CAMTA2: variants seen among roughly 807,000 people sequenced by gnomAD.
The protein encoded by CAMTA2 is calmodulin binding transcription activator 2, also known as calmodulin-binding transcription activator 2.
In CAMTA2, 56 loss-of-function variants were observed where a neutral mutation model predicts 135.7. The observed-to-expected ratio is 0.41, with a 90% CI of 0.33 to 0.52. CAMTA2 has a LOEUF of 0.52. Ranked by LOEUF, CAMTA2 falls within the 20% of genes least tolerant of loss-of-function variation. The pLI is 0.16. For missense variants in CAMTA2, 1,358 were observed against 1,553.4 expected, an observed-to-expected ratio of 0.87 and a Z score of 2.11; for synonymous variants, 591 against 604.6, an observed-to-expected ratio of 0.98 and a Z score of 0.33.
intron 1 of CAMTA2, chr17:4,987,341 GC>G: frequency 7.4e-7 from 1 of 1,345,148 alleles, no homozygotes; most frequent in Non-Finnish European, 9.5e-7. Flanking sequence ...CCGCGGGCAC[GC>G]GGTGGGCGAG....
In CAMTA2 at chr17:4,980,074, A is replaced by G; in HGVS notation, c.1248T>C (p.Ala416=). Reference sequence around the variant, plus strand: ...CAGCTGCCTGGGGCTCCAGGGCAGCAGCAGGCTCTAGGGCAGAACAGGGGG... The same window carrying G: ...CAGCTGCCTGGGGCTCCAGGGCAGCGGCAGGCTCTAGGGCAGAACAGGGGG... ...AHTPCSALEP[A]AALEPQAAAR... Residue 416 remains alanine, a synonymous_variant, in exon 9 of 23, where the codon GCT becomes GCC. Transcript: ENST00000348066. The surrounding 1 kb of genome is among the most constrained non-coding windows in gnomAD (Gnocchi z 5.3). 1 of 1,613,786 alleles carries G rather than the reference A, an allele frequency of 6.2e-7. No individual in the cohort carries two copies. The highest frequency in any genetic ancestry group is 1.3e-5 in the African/African-American group (1 of 75,064).
In CAMTA2 at chr17:4,974,372, C is replaced by G. The variant is rs1298931162; in HGVS notation, c.2016+13G>C. 1 of 1,566,960 alleles carries G rather than the reference C, an allele frequency of 6.4e-7. No homozygotes were observed. The highest frequency in any genetic ancestry group is 8.8e-7 in the Non-Finnish European group (1 of 1,137,362). Reference sequence around the variant, plus strand: ...CTCCCCACCGTAGACCACCTCCCTCCTCACAGAAGTACCTGAACTGGAGGA... The same window carrying G: ...CTCCCCACCGTAGACCACCTCCCTCGTCACAGAAGTACCTGAACTGGAGGA... On this transcript the variant is annotated intron_variant, in intron 12 of 22. Coordinates refer to ENST00000348066, the MANE Select transcript of CAMTA2 (RefSeq NM_015099.4).
chr17:4,973,088 C>T, intron 14 of CAMTA2, 87 bp downstream of exon 14: 3 of 1,511,794 alleles, frequency 2.0e-6, no homozygotes, highest in Non-Finnish European at 1.8e-6. Context: ...GCCCACCCCA[C>T]TCCCTGCATT....
intron 11 of CAMTA2, 107 bp from the exon 12 acceptor site, chr17:4,974,607 T>C (rs1432744982): frequency 1.0e-5 from 7 of 693,952 alleles, no homozygotes; most frequent in Non-Finnish European, 1.8e-5. Context: ...AGAACCATAT[T>C]CTTTTATCTT....
chr17:4,983,584 C>CT (rs949843068), intron 3 of CAMTA2: 139 of 144,798 alleles, frequency 9.6e-4, no homozygotes, highest in South Asian at 2.2e-3. Flanking sequence ...CGTGCCCAGA[C>CT]TTTTTTTTTT....
At chr17:4,973,461 C>T (rs1972428652) in intron 13 of CAMTA2, 124 bp downstream of exon 13, 2 of 1,038,232 alleles carry the variant, frequency 1.9e-6, no homozygotes, top group East Asian at 2.6e-5. Context: ...CTCCCAACCC[C>T]CTCCCTTCCC....
chr17:4,977,316 C>A, intron 10 of CAMTA2, 124 bp from the exon 11 acceptor site: 1 of 1,261,212 alleles, frequency 7.9e-7, no homozygotes, highest in Non-Finnish European at 1.1e-6. Context: ...GGCCAAGAGG[C>A]CCCTGGCTTC....
At chr17:4,982,182 T>A in intron 5 of CAMTA2, 22 bp from the exon 6 acceptor site, 4 of 534,632 alleles carry the variant, frequency 7.5e-6, no homozygotes, top group South Asian at 1.5e-5. Context: ...CAGGCTGGGG[T>A]GGGGGGAGGG....
chr17:4,985,767 T>C, intron 3 of CAMTA2, 113 bp downstream of exon 3: 5 of 728,288 alleles, frequency 6.9e-6, no homozygotes, highest in Middle Eastern at 3.9e-4. Context: ...CCAAAGAGCT[T>C]AGAATGGTGC....
At chr17:4,973,496 TA>T (rs1972430681) in intron 13 of CAMTA2, 88 bp downstream of exon 13, 2 of 1,355,628 alleles carry the variant, frequency 1.5e-6, no homozygotes, top group Admixed American at 4.2e-5. Flanking sequence ...TCCCTCTTGG[TA>T]GGGCCCCAGG....
Position 4,977,148 on chromosome 17 carries a change from C to T in CAMTA2, c.1810G>A (p.Gly604Arg). The T allele has an allele frequency of 1.2e-6, 2 of 1,614,040 alleles. No individual in the cohort carries two copies. Among genetic ancestry groups the T allele is most frequent in the Non-Finnish European group, 8.5e-7 (1 of 1,179,970 alleles). Reference protein sequence around the residue: ...LVSLQVAGREGPLSASVLFEY... With the variant: ...LVSLQVAGRERPLSASVLFEY... ...AAGAGCACAGAAGCAGAAAGGGGCC[C>T]CTCCCGCCCTGCCACCTGCAAAGAC... The change falls in exon 11 of 23, where the codon GGG (glycine) becomes AGG (arginine). Residue 604 changes from glycine (G) to arginine (R), a missense_variant. Physicochemically the swap from Gly to Arg is moderately radical, Grantham distance 125. Transcript: ENST00000348066.
rs943141023 is a variant in CAMTA2 at position 4,980,740 on chromosome 17, G to C, written c.701-119C>G. On this transcript the variant is annotated intron_variant, in intron 8 of 22. Coordinates refer to ENST00000348066, the MANE Select transcript of CAMTA2 (RefSeq NM_015099.4). The surrounding 1 kb of genome is among the most constrained non-coding windows in gnomAD (Gnocchi z 5.3). Reference sequence around the variant, plus strand: ...CCCTATAAACCAGAGGTGTAATACTGATTGTAGCCACTGGGAGGCATCAGA... The same window carrying C: ...CCCTATAAACCAGAGGTGTAATACTCATTGTAGCCACTGGGAGGCATCAGA... 2 of 747,570 alleles carry C rather than the reference G, an allele frequency of 2.7e-6. No individual in the cohort carries two copies. Among genetic ancestry groups the C allele is most frequent in the East Asian group, 5.0e-5 (2 of 40,090 alleles). 46.3% of individuals were successfully genotyped at this position (747,570 alleles called of 1,614,324 possible).
At chr17:4,973,880 A>T in intron 12 of CAMTA2, 111 bp from the exon 13 acceptor site, 1 of 835,914 alleles carries the variant, frequency 1.2e-6, no homozygotes, top group East Asian at 2.7e-5. Flanking sequence ...CCCCCTCCCC[A>T]CATGTCCCAC....
chr17:4,984,189 A>T (rs1009131640), intron 3 of CAMTA2, among the ~76,000 whole-genome samples: 5 of 151,970 alleles, frequency 3.3e-5, no homozygotes, highest in Non-Finnish European at 5.9e-5. Flanking sequence ...CGACCTCGTG[A>T]TCCACCCGCC....
intron 3 of CAMTA2, among the ~76,000 whole-genome samples, chr17:4,984,528 C>T (rs971335637): frequency 6.6e-6 from 1 of 152,248 alleles, no homozygotes; most frequent in African/African-American, 2.4e-5. Flanking sequence ...ACTGGACCTT[C>T]CTAAACGCTC....
Position 4,968,036 on chromosome 17 carries a change from C to G in CAMTA2, c.*720G>C. ...TTAATGGCAATTCGTATAAACCAAG[C>G]CCATGCACAAGTAGAAAGTGCCCGT... On this transcript the variant is annotated 3_prime_UTR_variant, in exon 23 of 23. Coordinates refer to ENST00000348066, the MANE Select transcript of CAMTA2 (RefSeq NM_015099.4). 1.8e-6 allele frequency: 1 copy of G among 559,000 alleles called. No individual in the cohort carries two copies. The highest frequency in any genetic ancestry group is 3.2e-6 in the Non-Finnish European group (1 of 312,816). The allele number at this position is 559,000 out of a possible 1,614,324, so 34.6% of individuals were successfully genotyped here. A position where few individuals can be genotyped will look rare whatever the true frequency, so the allele number is the denominator to read the frequency against.
Position 4,969,105 on chromosome 17 carries a change from C to T in CAMTA2, c.3470+45G>A. Reference sequence around the variant, plus strand: ...CAAGAGGATGAGTAAGGGGGAATGGCGTGGATGCAGTGGGTGGGCACAGAG... The same window carrying T: ...CAAGAGGATGAGTAAGGGGGAATGGTGTGGATGCAGTGGGTGGGCACAGAG... On this transcript the variant is annotated intron_variant, in intron 21 of 22. Transcript: ENST00000348066. The surrounding 1 kb of genome is among the most constrained non-coding windows in gnomAD (Gnocchi z 5.6). 6.3e-7 allele frequency: 1 copy of T among 1,583,510 alleles called. No homozygotes were observed. The highest frequency in any genetic ancestry group is 1.1e-5 in the South Asian group (1 of 89,016).
At position 4,982,101 on chromosome 17, in the gene CAMTA2, G is replaced by A; in HGVS notation, c.399C>T (p.Tyr133=). The part of the protein sequence containing the change: ...SIVPTFHRRC[Y]WLLQNPDIVL... ...CTTCCGTCCTTACCTGGAGCAGCCA[G>A]TAGCAGCGCCGATGGAATGTGGGGA... is the stretch of plus-strand genomic sequence containing the variant. The change falls in exon 6 of 23, where the codon TAC becomes TAT. Residue 133 remains tyrosine, a synonymous_variant. Transcript: ENST00000348066. 1.2e-6 allele frequency: 2 copies of A among 1,612,850 alleles called. No individual in the cohort carries two copies. Among genetic ancestry groups the A allele is most frequent in the Non-Finnish European group, 1.7e-6 (2 of 1,179,230 alleles).
rs137951157 is a variant in CAMTA2, at chr17:4,973,202, G to A, written c.2253C>T (p.Asn751=). 1.7e-5 allele frequency: 27 copies of A among 1,613,552 alleles called. No individual in the cohort carries two copies. The highest frequency in any genetic ancestry group is 1.2e-4 in the African/African-American group (9 of 74,550). The change falls in exon 14 of 23, where the codon AAC becomes AAT. Residue 751 remains asparagine, a synonymous_variant. Coordinates refer to ENST00000348066, the MANE Select transcript of CAMTA2 (RefSeq NM_015099.4). ...LDLEQEVDPL[N]VDHFSCTPLM... is the part of the protein sequence containing the mutation. ...GAGGGGTGCAAGAGAAATGATCCAC[G>A]TTGAGCGGGTCAACCTCCTGCTCTA...
Sources: allele counts gnomAD v4.1 joint callset (sites outside exome capture counted in the v4.1 genomes callset), GRCh38; gene constraint gnomAD v4.1.1; non-coding constraint Gnocchi (gnomAD v3.1); transcripts MANE v1.5; gene names NCBI Gene and HGNC (gene_info 2026-07-23, HGNC 2026-07-21).